The following DPP10 variants were observed in gnomAD, a reference collection of about 807,000 sequenced individuals.
DPP10 encodes dipeptidyl peptidase like 10, also known as inactive dipeptidyl peptidase 10.
DPP10 carries 33 observed loss-of-function variants against 120.9 expected under a neutral mutation model. That is an observed-to-expected ratio of 0.27 (90% CI 0.21 to 0.37). The LOEUF is 0.37. DPP10 is among the 10% of genes least tolerant of loss of function. DPP10 has a pLI of 1.00. For missense variants in DPP10, 816 were observed against 942.8 expected (o/e 0.87, Z 1.76); for synonymous variants, 337 against 326.1 (o/e 1.03, Z -0.36).
At chr2:115,392,807 G>A (rs924375731) in intron 3 of DPP10, among the ~76,000 whole-genome samples, 13 of 152,058 alleles carry the variant, frequency 8.5e-5, no homozygotes, top group Non-Finnish European at 1.6e-4. Flanking sequence ...CATTAAATGA[G>A]TTTTTCAGTA....
intron 1 of DPP10, among the ~76,000 whole-genome samples, chr2:115,182,400 C>G (rs1226283785): frequency 6.6e-6 from 1 of 152,126 alleles, no homozygotes; most frequent in African/African-American, 2.4e-5. Context: ...AGTAATTGAT[C>G]TGGGATTGGT....
rs10185829 is a variant in DPP10 at position 114,672,156 on chromosome 2, C to T, written c.60+229318C>T. Among the ~76,000 whole-genome samples, 1,218 of 152,094 alleles carry T rather than the reference C, an allele frequency of 8.0e-3. 12 individuals carry two copies. Among genetic ancestry groups the T allele is most frequent in the African/African-American group, 0.028 (1,155 of 41,500 alleles). On this transcript the variant is annotated intron_variant, in intron 1 of 25. Coordinates refer to ENST00000410059, the MANE Select transcript of DPP10 (RefSeq NM_020868.6). ...ATCAGAATTTTAAAAGCTAGAAATG[C>T]AAGAAATTACTAAAGCCAGGGCCCT...
intron 3 of DPP10, among the ~76,000 whole-genome samples, chr2:115,493,529 A>AC (rs2076234549): frequency 6.6e-6 from 1 of 151,550 alleles, no homozygotes; most frequent in Admixed American, 6.6e-5. Flanking sequence ...AAAAAAAAAA[A>AC]GCCTACAGCT....
chr2:115,706,417 G>A (rs1356115806), intron 7 of DPP10, among the ~76,000 whole-genome samples: 1 of 151,762 alleles, frequency 6.6e-6, no homozygotes, highest in African/African-American at 2.4e-5. Context: ...ATTAAATTGT[G>A]GAGTAAGAAC....
intron 1 of DPP10, among the ~76,000 whole-genome samples, chr2:114,864,037 T>C (rs1342142170): frequency 1.3e-5 from 2 of 152,098 alleles, no homozygotes; most frequent in Non-Finnish European, 2.9e-5. Context: ...GCTAAGACAA[T>C]AGGGGATATT....
chr2:115,344,829 A>G (rs1176661893), intron 3 of DPP10, among the ~76,000 whole-genome samples: 2 of 152,180 alleles, frequency 1.3e-5, no homozygotes, highest in African/African-American at 4.8e-5. Flanking sequence ...TATCTTTGCT[A>G]ATTTTCAAGG....
chr2:115,069,307 G>C (rs1400416166), intron 1 of DPP10, among the ~76,000 whole-genome samples: 2 of 151,938 alleles, frequency 1.3e-5, no homozygotes, highest in Non-Finnish European at 2.9e-5. Context: ...CTGTGAATGG[G>C]ATTGCTTCCC....
chr2:114,552,473 G>T (rs910739826), intron 1 of DPP10, among the ~76,000 whole-genome samples: 2 of 152,098 alleles, frequency 1.3e-5, no homozygotes, highest in African/African-American at 4.8e-5. Flanking sequence ...TAACAATTAT[G>T]GAATAAACGT....
At chr2:115,466,045 A>G (rs1441654931) in intron 3 of DPP10, among the ~76,000 whole-genome samples, 8 of 152,146 alleles carry the variant, frequency 5.3e-5, no homozygotes, top group Non-Finnish European at 1.5e-5. Context: ...CTGTTTATGT[A>G]TCTACTGATT....
chr2:115,443,022 C>G (rs2072224092), intron 3 of DPP10, among the ~76,000 whole-genome samples: 1 of 152,078 alleles, frequency 6.6e-6, no homozygotes, highest in African/African-American at 2.4e-5. Flanking sequence ...CACATTTGTA[C>G]TTTTTAAAGT....
At chr2:115,747,981 C>A (rs1244716697) in intron 10 of DPP10, among the ~76,000 whole-genome samples, 1 of 152,054 alleles carries the variant, frequency 6.6e-6, no homozygotes, top group Non-Finnish European at 1.5e-5. Context: ...ATGTTTCTTT[C>A]TAAAAGGAGC....
At chr2:115,645,945 A>T (rs1288532388) in intron 5 of DPP10, among the ~76,000 whole-genome samples, 1 of 152,202 alleles carries the variant, frequency 6.6e-6, no homozygotes, top group Non-Finnish European at 1.5e-5. Context: ...CATAGACAGG[A>T]AAGACAGAAG....
chr2:115,044,367 T>G (rs1039723747), intron 1 of DPP10, among the ~76,000 whole-genome samples: 2 of 152,042 alleles, frequency 1.3e-5, no homozygotes, highest in African/African-American at 4.8e-5. Context: ...TTTTTTTTAA[T>G]TTTATTATTA....
intron 1 of DPP10, among the ~76,000 whole-genome samples, chr2:114,600,793 T>A (rs1692297075): frequency 6.6e-6 from 1 of 151,928 alleles, no homozygotes; most frequent in South Asian, 2.1e-4. Context: ...AAAGCAATGA[T>A]GCCTGAATAT....
At chr2:115,565,745 TG>T (rs1297158356) in intron 5 of DPP10, among the ~76,000 whole-genome samples, 8 of 109,372 alleles carry the variant, frequency 7.3e-5, no homozygotes, top group Middle Eastern at 4.1e-3. Context: ...GTAGAGGTTA[TG>T]GGTTTTTTTT....
intron 5 of DPP10, among the ~76,000 whole-genome samples, chr2:115,668,092 T>A (rs539135766): frequency 6.6e-6 from 1 of 152,290 alleles, no homozygotes; most frequent in South Asian, 2.1e-4. Flanking sequence ...AAGCCATATA[T>A]CTTCAGTACA....
At chr2:114,658,965 C>T (rs1449720458) in intron 1 of DPP10, among the ~76,000 whole-genome samples, 5 of 152,104 alleles carry the variant, frequency 3.3e-5, no homozygotes, top group African/African-American at 7.2e-5. Flanking sequence ...ATGCCGTTCT[C>T]GTGATGGTGA....
rs116050603 is a variant in DPP10, at chr2:114,487,421, C to G, written c.60+44583C>G. Among the ~76,000 whole-genome samples, 563 of 152,298 alleles carry G rather than the reference C, an allele frequency of 3.7e-3. 7 individuals carry two copies. Among genetic ancestry groups the G allele is most frequent in the South Asian group, 0.024 (115 of 4,824 alleles). Reference sequence around the variant, plus strand: ...ATCTGGTGACTTCAATTTTAATACACTCTTCCTAATTGTGGTGGGAAAATA... The same window carrying G: ...ATCTGGTGACTTCAATTTTAATACAGTCTTCCTAATTGTGGTGGGAAAATA... On this transcript the variant is annotated intron_variant, in intron 1 of 25. Coordinates refer to ENST00000410059, the MANE Select transcript of DPP10 (RefSeq NM_020868.6).
intron 1 of DPP10, among the ~76,000 whole-genome samples, chr2:114,549,540 A>C (rs1573626963): frequency 6.6e-6 from 1 of 151,988 alleles, no homozygotes; most frequent in Non-Finnish European, 1.5e-5. Context: ...GCACACCTGT[A>C]GTCCCAGCTA....
Sources: allele counts gnomAD v4.1 joint callset (sites outside exome capture counted in the v4.1 genomes callset), GRCh38; gene constraint gnomAD v4.1.1; transcripts MANE v1.5; gene names NCBI Gene and HGNC (gene_info 2026-07-23, HGNC 2026-07-21).